The following AHNAK variants were observed in gnomAD, a reference collection of about 807,000 sequenced individuals.
AHNAK encodes the protein AHNAK nucleoprotein, also known as neuroblast differentiation-associated protein AHNAK.
AHNAK carries 23 observed loss-of-function variants against 37.8 expected under a neutral mutation model. The observed-to-expected ratio is 0.61, with a 90% confidence interval of 0.44 to 0.86. The LOEUF (loss-of-function observed/expected upper bound fraction) is 0.86. Among genes scored for constraint, AHNAK ranks in the 40% least tolerant of loss-of-function variants. The pLI is 0.00. For synonymous variants in AHNAK, 2,481 were observed against 2,636.3 expected, an observed-to-expected ratio of 0.94 and a Z score of 1.80; for missense variants, 7,411 against 7,319.4, an observed-to-expected ratio of 1.01 and a Z score of -0.46.
At chr11:62,468,986 A>C (rs1438108964) in intron 5 of AHNAK, among the ~76,000 whole-genome samples, 3 of 152,106 alleles carry the variant, frequency 2.0e-5, no homozygotes, top group Non-Finnish European at 4.4e-5. Flanking sequence ...AATAACAGCC[A>C]ATTGGTTTGT....
chr11:62,455,432 G>A (rs548202275), intron 5 of AHNAK, among the ~76,000 whole-genome samples: 24 of 151,968 alleles, frequency 1.6e-4, no homozygotes, highest in African/African-American at 3.9e-4. Flanking sequence ...GTGGCCGGGC[G>A]TGGTGGCTCA....
intron 4 of AHNAK, among the ~76,000 whole-genome samples, chr11:62,510,776 T>TATATATATATATAC (rs1555028323): frequency 6.6e-6 from 1 of 150,600 alleles, no homozygotes; most frequent in African/African-American, 2.5e-5. Flanking sequence ...TATATATATA[T>TATATATATATATAC]ATGTATATGT....
chr11:62,503,630 G>T (rs41346047), intron 4 of AHNAK, among the ~76,000 whole-genome samples: 7,512 of 151,960 alleles, frequency 0.049, 637 homozygotes, highest in African/African-American at 0.17. Context: ...TGCAGAACAT[G>T]CAGAGTGGCC....
rs115317359 is a variant in AHNAK at position 62,506,290 on chromosome 11, T to C, written c.343-14459A>G. 6.9e-3 allele frequency among the ~76,000 whole-genome samples: 1,050 copies of C among 151,742 alleles called. 13 individuals are homozygous for C. Among genetic ancestry groups the C allele is most frequent in the African/African-American group, 0.024 (993 of 41,434 alleles). Reference sequence around the variant, plus strand: ...GGTCTGAGCTTGAGGACGCCCGAGTTCCTTCCCCTTGGAAGGGTGTCGGGG... The same window carrying C: ...GGTCTGAGCTTGAGGACGCCCGAGTCCCTTCCCCTTGGAAGGGTGTCGGGG... On this transcript the variant is annotated intron_variant, in intron 4 of 5. Coordinates refer to the AHNAK transcript ENST00000257247.
chr11:62,517,225 G>C lies in AHNAK; in HGVS notation c.17192C>G (p.Ser5731Ter). The C allele has an allele frequency of 6.2e-7, 1 of 1,614,136 alleles. No homozygotes were observed. The change falls in exon 5 of 5, where the codon TCA becomes TGA. Residue 5731 changes from serine (S) to a stop codon, truncating the protein, a stop_gained. Transcript: ENST00000378024. LOFTEE classifies it high-confidence loss of function. ...GGACCCAGAAATTGATGCTTCTGGTGAGCCAGTGACACCACCTTTCCCTTT... is the reference window on the plus strand; with the variant it reads ...GGACCCAGAAATTGATGCTTCTGGTCAGCCAGTGACACCACCTTTCCCTTT... ...KPKGKGGVTGSPEASISGSKG... is the reference protein window; with the variant it reads ...KPKGKGGVTG
intron 5 of AHNAK, among the ~76,000 whole-genome samples, chr11:62,446,801 T>C (rs1193182024): frequency 6.6e-6 from 1 of 151,870 alleles, no homozygotes; most frequent in Non-Finnish European, 1.5e-5. Flanking sequence ...TGGGGATCCA[T>C]TATCCCATCT....
chr11:62,525,776 G>A lies in AHNAK; in HGVS notation c.8641C>T (p.Pro2881Ser), dbSNP rs1281210451. 3.1e-6 allele frequency: 5 copies of A among 1,613,308 alleles called. No homozygotes were observed. The highest frequency in any genetic ancestry group is 4.2e-6 in the Non-Finnish European group (5 of 1,179,840). The change falls in exon 5 of 5, where the codon CCA becomes TCA. Residue 2881 changes from proline (P) to serine (S), a missense_variant. By Grantham distance (74) the Pro-to-Ser change is moderately conservative. Transcript: ENST00000378024. ...LKGPKVDIDV[P>S]DVNVQGPDWH... ...TCTGGACCCTGAACATTAACATCTG[G>A]GACATCAATGTCCACTTTGGGGCCT...
rs180924133 is a variant in AHNAK, at chr11:62,451,500, G to T, written c.443-17609C>A. 3.1e-3 allele frequency among the ~76,000 whole-genome samples: 479 copies of T among 152,126 alleles called. 3 individuals carry two copies. Among genetic ancestry groups the T allele is most frequent in the Non-Finnish European group, 5.5e-3 (372 of 67,976 alleles). On this transcript the variant is annotated intron_variant, in intron 5 of 5. Coordinates refer to the AHNAK transcript ENST00000257247. ...TGTCTGTAATCCCAGCATTTTGGGAGGCCAAGGCGGGCAGATAACTTGAGG... is the reference window on the plus strand; with the variant it reads ...TGTCTGTAATCCCAGCATTTTGGGATGCCAAGGCGGGCAGATAACTTGAGG...
chr11:62,450,101 GTTTTATTTTA>G (rs778340090), intron 5 of AHNAK, among the ~76,000 whole-genome samples: 1 of 150,128 alleles, frequency 6.7e-6, no homozygotes, highest in African/African-American at 2.4e-5. Flanking sequence ...GTTTTCTTTT[GTTTTATTTTA>G]TTTTATTTTA....
chr11:62,529,090 A>T lies in AHNAK; in HGVS notation c.5327T>A (p.Ile1776Lys). The T allele has an allele frequency of 6.2e-7, 1 of 1,614,022 alleles. No homozygotes were observed. Among genetic ancestry groups the T allele is most frequent in the Non-Finnish European group, 8.5e-7 (1 of 1,180,012 alleles). The change falls in exon 5 of 5, where the codon ATA (isoleucine) becomes AAA (lysine). Residue 1776 changes from isoleucine (I) to lysine (K), a missense_variant. Physicochemically the swap from Ile to Lys is moderately radical, Grantham distance 102 (BLOSUM62 -3). Coordinates refer to ENST00000378024, the MANE Select transcript of AHNAK (RefSeq NM_001620.3). ...TGGCATGGAGACCTTGGGAGCTTTT[A>T]TATTCAACTTGGGCATCTTAAATTT... ...GSKFKMPKLN[I>K]KAPKVSMPDV... is the part of the protein sequence containing the mutation.
intron 4 of AHNAK, among the ~76,000 whole-genome samples, chr11:62,509,546 G>A (rs1171439349): frequency 2.7e-5 from 4 of 150,726 alleles, no homozygotes; most frequent in South Asian, 2.1e-4. Context: ...GTGAAACTCC[G>A]TCTCAAAAAA....
intron 5 of AHNAK, among the ~76,000 whole-genome samples, chr11:62,486,018 C>T (rs1216379549): frequency 8.0e-5 from 9 of 112,606 alleles, no homozygotes; most frequent in African/African-American, 2.7e-4. Context: ...AAGACTTTGT[C>T]TCAAAAAAAA....
Position 62,530,608 on chromosome 11 carries a change from T to C in AHNAK, c.3809A>G (p.Glu1270Gly). Reference sequence around the variant, plus strand: ...CAGGTTCACATCCACTTCTCGGCCCTCTCCTTTGAAGCCAGGCATGCTAAA... The same window carrying C: ...CAGGTTCACATCCACTTCTCGGCCCCCTCCTTTGAAGCCAGGCATGCTAAA... ...PKFSMPGFKG[E>G]GREVDVNLPK... The change falls in exon 5 of 5, where the codon GAG (glutamate) becomes GGG (glycine). Residue 1270 changes from glutamate to glycine, a missense_variant. Transcript: ENST00000378024. The C allele has an allele frequency of 1.2e-6, 2 of 1,612,654 alleles. No homozygotes were observed. The highest frequency in any genetic ancestry group is 1.7e-6 in the Non-Finnish European group (2 of 1,179,768).
chr11:62,518,666 C>T lies in AHNAK; in HGVS notation c.15751G>A (p.Gly5251Arg), dbSNP rs752928264. Residue 5251 changes from glycine to arginine, a missense_variant, in exon 5 of 5, where the codon GGG becomes AGG. Gly to Arg is a moderately radical substitution (Grantham distance 125, BLOSUM62 -2). Transcript: ENST00000378024. ...IGIPGVKMEG[G>R]GAEVHAQLPS... ...AGCTGGGCATGGACCTCGGCTCCCCCACCCTCCATTTTCACACCTGGGATG... is the reference window on the plus strand; with the variant it reads ...AGCTGGGCATGGACCTCGGCTCCCCTACCCTCCATTTTCACACCTGGGATG... 2 of 1,614,194 alleles carry T rather than the reference C, an allele frequency of 1.2e-6. No homozygotes were observed.
rs1471473597 is a variant in AHNAK at position 62,531,832 on chromosome 11, T to C, written c.2585A>G (p.Asp862Gly). Residue 862 changes from aspartate to glycine, a missense_variant, in exon 5 of 5, where the codon GAT (aspartate) becomes GGT (glycine). Coordinates refer to ENST00000378024, the MANE Select transcript of AHNAK (RefSeq NM_001620.3). ...GCCTTGAACCTCCACATCTGGGACA[T>C]CAATGTCCATTTTGGCACTTTTAAG... The part of the protein sequence containing the change: ...VELKSAKMDI[D>G]VPDVEVQGPD... 9 of 1,613,628 alleles carry C rather than the reference T, an allele frequency of 5.6e-6. No individual in the cohort carries two copies. The highest frequency in any genetic ancestry group is 6.8e-6 in the Non-Finnish European group (8 of 1,179,992).
rs142861641 is a variant in AHNAK, at chr11:62,523,260, A to C, written c.11157T>G (p.Ile3719Met). 6.2e-7 allele frequency: 1 copy of C among 1,613,696 alleles called. No homozygotes were observed. Among genetic ancestry groups the C allele is most frequent in the Admixed American group, 1.7e-5 (1 of 59,990 alleles). Reference sequence around the variant, plus strand: ...ATTTACCCTCTGAGCCTTCGATGTTAATGTCAGGAGTGTCAATGTCCACTT... The same window carrying C: ...ATTTACCCTCTGAGCCTTCGATGTTCATGTCAGGAGTGTCAATGTCCACTT... Reference protein sequence around the residue: ...GPKVDIDTPDINIEGSEGKFK... With the variant: ...GPKVDIDTPDMNIEGSEGKFK... Residue 3719 changes from isoleucine (I) to methionine (M), a missense_variant, in exon 5 of 5, where the codon ATT becomes ATG. By Grantham distance (10) the Ile-to-Met change is conservative. Coordinates refer to ENST00000378024, the MANE Select transcript of AHNAK (RefSeq NM_001620.3).
chr11:62,460,901 A>G lies in AHNAK; in HGVS notation c.443-27010T>C, dbSNP rs1038654045. 2.0e-5 allele frequency among the ~76,000 whole-genome samples: 3 copies of G among 151,850 alleles called. No homozygotes were observed. In the South Asian group the frequency reaches 6.2e-4, roughly 32 times the overall value. Reference sequence around the variant, plus strand: ...CAGTGGCCGATCTCGGCTCACTGCAAGCTCCGCCTCCCGGGTTCACGCCAT... The same window carrying G: ...CAGTGGCCGATCTCGGCTCACTGCAGGCTCCGCCTCCCGGGTTCACGCCAT... On this transcript the variant is annotated intron_variant, in intron 5 of 5. Coordinates refer to the AHNAK transcript ENST00000257247.
intron 5 of AHNAK, among the ~76,000 whole-genome samples, chr11:62,487,532 C>T (rs888949705): frequency 3.3e-5 from 5 of 152,022 alleles, no homozygotes; most frequent in South Asian, 2.1e-4. Context: ...TTTTTTGAGA[C>T]GGAGTCTCGC....
At chr11:62,440,988 A>G (rs1565194945) in intron 5 of AHNAK, among the ~76,000 whole-genome samples, 1 of 151,608 alleles carries the variant, frequency 6.6e-6, no homozygotes, top group South Asian at 2.1e-4. Flanking sequence ...CAACATAGAG[A>G]TACCCGTCTG....
Sources: allele counts gnomAD v4.1 joint callset (sites outside exome capture counted in the v4.1 genomes callset), GRCh38; gene constraint gnomAD v4.1.1; transcripts MANE v1.5; gene names NCBI Gene and HGNC (gene_info 2026-07-23, HGNC 2026-07-21).